Variants in SPTBN1 observed in about 807,000 individuals in gnomAD.
The protein encoded by SPTBN1 is spectrin beta, non-erythrocytic 1, also known as spectrin beta chain, non-erythrocytic 1.
In SPTBN1, 32 loss-of-function variants were observed where a neutral mutation model predicts 266.4. The ratio of observed to expected loss-of-function variants is 0.12; its 90% confidence interval spans 0.09 to 0.16. SPTBN1 has a LOEUF of 0.16. Among genes scored for constraint, SPTBN1 ranks in the 10% least tolerant of loss-of-function variants. The pLI, the probability that SPTBN1 is intolerant of heterozygous loss-of-function variation, is 1.00. For missense variants in SPTBN1, 2,296 were observed against 3,067.1 expected, an observed-to-expected ratio of 0.75 and a Z score of 5.94; for synonymous variants, 1,336 against 1,162.2, an observed-to-expected ratio of 1.15 and a Z score of -3.04.
intron 2 of SPTBN1, among the ~76,000 whole-genome samples, chr2:54,534,259 C>G (rs564881575): frequency 6.6e-6 from 1 of 152,166 alleles, no homozygotes; most frequent in Non-Finnish European, 1.5e-5. Context: ...AAGAGAACAG[C>G]TTCTTGCATG....
At chr2:54,486,694 G>A (rs1195264482) in intron 1 of SPTBN1, among the ~76,000 whole-genome samples, 1 of 146,934 alleles carries the variant, frequency 6.8e-6, no homozygotes, top group African/African-American at 2.5e-5. Flanking sequence ...CCCCCTCTGC[G>A]AGAAACACCC....
chr2:54,655,100 T>C lies in SPTBN1; in HGVS notation c.5853T>C (p.Asn1951=), dbSNP rs1178999192. The change falls in exon 28 of 36, where the codon AAT becomes AAC. Residue 1951 remains asparagine, a synonymous_variant. Transcript: ENST00000356805. ...RDVSSVELLM[N]NHQGIKAEID... Reference sequence around the variant, plus strand: ...TATCATCTGTTGAACTCTTAATGAATAATCATCAAGGCATCAAAGCTGAAA... The same window carrying C: ...TATCATCTGTTGAACTCTTAATGAACAATCATCAAGGCATCAAAGCTGAAA... 1 of 1,614,100 alleles carries C rather than the reference T, an allele frequency of 6.2e-7. No individual in the cohort carries two copies. Among genetic ancestry groups the C allele is most frequent in the Admixed American group, 1.7e-5 (1 of 60,006 alleles).
intron 2 of SPTBN1, among the ~76,000 whole-genome samples, chr2:54,544,282 C>T (rs1168106419): frequency 6.6e-6 from 1 of 152,174 alleles, no homozygotes; most frequent in Non-Finnish European, 1.5e-5. Flanking sequence ...TTCCAACCTT[C>T]TTGGAAATTG....
intron 1 of SPTBN1, among the ~76,000 whole-genome samples, chr2:54,517,167 A>G (rs1670156549): frequency 6.6e-6 from 1 of 151,340 alleles, no homozygotes; most frequent in South Asian, 2.1e-4. Flanking sequence ...CCCCTTTTCC[A>G]TCATGGCCTG....
intron 3 of SPTBN1, among the ~76,000 whole-genome samples, chr2:54,602,459 C>A (rs7591231): frequency 1.3e-5 from 2 of 152,004 alleles, no homozygotes; most frequent in Non-Finnish European, 2.9e-5. Flanking sequence ...TTAGATGCTC[C>A]CCATTGCCTG....
intron 15 of SPTBN1, among the ~76,000 whole-genome samples, chr2:54,630,344 A>G (rs1447819869): frequency 5.3e-5 from 8 of 152,228 alleles, no homozygotes; most frequent in African/African-American, 1.9e-4. Flanking sequence ...TATCCATTTT[A>G]TAGTAACTTC....
At chr2:54,623,417 T>C (rs1307949909) in intron 9 of SPTBN1, 62 bp from the exon 10 acceptor site, 1 of 1,425,004 alleles carries the variant, frequency 7.0e-7, no homozygotes, top group African/African-American at 1.4e-5. Context: ...GTTTTTAAAA[T>C]GCATGACAGT....
Position 54,664,327 on chromosome 2 carries a change from T to A in SPTBN1, c.6421-126T>A. 1 of 983,668 alleles carries A rather than the reference T, an allele frequency of 1.0e-6. No individual in the cohort carries two copies. The highest frequency in any genetic ancestry group is 1.7e-5 in the South Asian group (1 of 59,690). The allele number at this position is 983,668 out of a possible 1,614,324, so 60.9% of individuals were successfully genotyped here. A position where few individuals can be genotyped will look rare whatever the true frequency, so the allele number is the denominator to read the frequency against. ...AGCTGGCTTTGTGGGTGTGCAATGG[T>A]TTTACTGTACTGCCTCGATCTGTGC... On this transcript the variant is annotated intron_variant, in intron 32 of 35. Transcript: ENST00000356805. This position sits in a 1 kb window ranked among gnomAD's most constrained non-coding sequence, Gnocchi z 5.6.
intron 1 of SPTBN1, among the ~76,000 whole-genome samples, chr2:54,458,431 T>G (rs1287393764): frequency 6.6e-6 from 1 of 152,236 alleles, no homozygotes; most frequent in Non-Finnish European, 1.5e-5. Context: ...AGTGTCATGA[T>G]GGGGGCTAAA....
intron 34 of SPTBN1, among the ~76,000 whole-genome samples, chr2:54,666,402 G>A (rs1345348845): frequency 6.6e-6 from 1 of 152,174 alleles, no homozygotes; most frequent in Non-Finnish European, 1.5e-5. Flanking sequence ...ACAGTTTAAG[G>A]GAGGCTTTGA....
rs114670877 is a variant in SPTBN1, at chr2:54,525,336, C to T, written c.-47-1036C>T. 2.8e-3 allele frequency among the ~76,000 whole-genome samples: 428 copies of T among 152,212 alleles called. 3 individuals are homozygous for T. The highest frequency in any genetic ancestry group is 9.8e-3 in the African/African-American group (408 of 41,532). ...GTCGGCTCAACCAAAACCTCCGGCT[C>T]CTCGGTTCAAGCAATTTTCCAGCCT... On this transcript the variant is annotated intron_variant, in intron 1 of 35. Coordinates refer to ENST00000356805, the MANE Select transcript of SPTBN1 (RefSeq NM_003128.3).
At chr2:54,509,491 G>C (rs1669742370) in intron 1 of SPTBN1, among the ~76,000 whole-genome samples, 2 of 152,278 alleles carry the variant, frequency 1.3e-5, no homozygotes, top group South Asian at 4.1e-4. Flanking sequence ...GGCAGCGGCA[G>C]CTGCTGCACG....
At position 54,631,151 on chromosome 2, in the gene SPTBN1, C is replaced by G; in HGVS notation, c.3104C>G (p.Ser1035Cys). 4 of 1,614,222 alleles carry G rather than the reference C, an allele frequency of 2.5e-6. 1 individual carries two copies. The highest frequency in any genetic ancestry group is 2.2e-5 in the South Asian group (2 of 91,084). Residue 1035 changes from serine to cysteine, a missense_variant, in exon 16 of 36, where the codon TCT becomes TGT. By Grantham distance (112) the Ser-to-Cys change is moderately radical (BLOSUM62 -1). This residue lies in a region of SPTBN1 where 128 missense variants were observed against 176.5 expected (regional missense o/e 0.73). Transcript: ENST00000356805. ...CCCGACCAGGCCCAGGCCATCCTGTCTCGGCTGGCCGAGATCAGCGACGTG... is the reference window on the plus strand; with the variant it reads ...CCCGACCAGGCCCAGGCCATCCTGTGTCGGCTGGCCGAGATCAGCGACGTG... ...EHPDQAQAIL[S>C]RLAEISDVWE... is the part of the protein sequence containing the mutation.
intron 33 of SPTBN1, among the ~76,000 whole-genome samples, chr2:54,665,150 C>G (rs1461721332): frequency 1.3e-5 from 2 of 152,134 alleles, no homozygotes; most frequent in Admixed American, 1.3e-4. Flanking sequence ...GTTAACAAAG[C>G]TTTCTTTCTG....
intron 2 of SPTBN1, among the ~76,000 whole-genome samples, chr2:54,588,955 A>G (rs1675484779): frequency 6.6e-6 from 1 of 152,126 alleles, no homozygotes; most frequent in African/African-American, 2.4e-5. Flanking sequence ...TTGTGGATAC[A>G]TAGTAGATGT....
In SPTBN1 at chr2:54,562,533, C is replaced by CTTTTTTTTTTTTTT. The variant is rs1553447705; in HGVS notation, c.148+35979_148+35980insTTTTTTTTTTTTTT. Among the ~76,000 whole-genome samples the CTTTTTTTTTTTTTT allele has an allele frequency of 4.7e-5, 6 of 126,824 alleles. 1 individual carries two copies. The highest frequency in any genetic ancestry group is 2.1e-4 in the East Asian group (1 of 4,754). 83.2% of individuals were successfully genotyped at this position (126,824 alleles called of 152,430 possible). A position where few individuals can be genotyped will look rare whatever the true frequency, so the allele number is the denominator to read the frequency against. The stretch of plus-strand genomic sequence containing the variant: ...AAATGCTTACTTTTCTTTTCTTTTT[C>CTTTTTTTTTTTTTT]TTTTTTTTTTTTGAGGCAAGGTCTG... On this transcript the variant is annotated intron_variant, in intron 2 of 35. Coordinates refer to ENST00000356805, the MANE Select transcript of SPTBN1 (RefSeq NM_003128.3).
At chr2:54,635,678 G>T (rs1268517210) in intron 17 of SPTBN1, among the ~76,000 whole-genome samples, 2 of 152,222 alleles carry the variant, frequency 1.3e-5, no homozygotes, top group Admixed American at 1.3e-4. Context: ...CAGTATCTGG[G>T]ATTCTTCCCT....
At chr2:54,614,223 G>A (rs1327456597) in intron 4 of SPTBN1, among the ~76,000 whole-genome samples, 1 of 152,090 alleles carries the variant, frequency 6.6e-6, no homozygotes, top group Non-Finnish European at 1.5e-5. Flanking sequence ...AAAATAATAT[G>A]ATTATGAATC....
In SPTBN1 at chr2:54,653,335, C is replaced by G. The variant is rs1243795367; in HGVS notation, c.5578-274C>G. On this transcript the variant is annotated intron_variant, in intron 26 of 35. Transcript: ENST00000356805. This position sits in a 1 kb window ranked among gnomAD's most constrained non-coding sequence, Gnocchi z 5.1. ...GATATCCCAGGCTGCCTCCAGGGGA[C>G]TTTCCCTGACTAAACTCTCCTGCCT... 1 of 395,120 alleles carries G rather than the reference C, an allele frequency of 2.5e-6. No individual in the cohort carries two copies. The allele number at this position is 395,120 out of a possible 1,614,324, so 24.5% of individuals were successfully genotyped here. A position where few individuals can be genotyped will look rare whatever the true frequency, so the allele number is the denominator to read the frequency against.
Sources: gnomAD v4.1 joint callset for allele counts (sites outside exome capture counted in the v4.1 genomes callset) on GRCh38, gnomAD v4.1.1 for gene constraint, gnomAD v4.1.1 regional missense constraint, Gnocchi (gnomAD v3.1) non-coding constraint, MANE v1.5 for transcripts, NCBI Gene and HGNC (gene_info 2026-07-23, HGNC 2026-07-21) for gene names.